USH2A: variants seen among roughly 807,000 people sequenced by gnomAD.
USH2A encodes Usher syndrome 2A (autosomal recessive, mild).
USH2A carries 443 observed loss-of-function variants against 538.9 expected under a neutral mutation model. The ratio of observed to expected loss-of-function variants is 0.82; its 90% CI spans 0.76 to 0.89. USH2A has a LOEUF of 0.89. Ranked by LOEUF, USH2A falls within the 40% of genes least tolerant of loss-of-function variation. The probability of loss-of-function intolerance (pLI) is 0.00; values close to 1 mark genes in which losing one functional copy is unlikely to be tolerated. For missense variants in USH2A, 6,633 were observed against 6,324.8 expected, an observed-to-expected ratio of 1.05 and a Z score of -1.65; for synonymous variants, 2,413 against 2,273.5, an observed-to-expected ratio of 1.06 and a Z score of -1.75.
At chr1:216,145,999 T>C (rs1383647818) in intron 21 of USH2A, among the ~76,000 whole-genome samples, 3 of 152,210 alleles carry the variant, frequency 2.0e-5, no homozygotes, top group South Asian at 2.1e-4. Context: ...AATAAACAGC[T>C]TTATTGCTCA....
intron 71 of USH2A, among the ~76,000 whole-genome samples, chr1:215,628,102 G>A (rs770699011): frequency 1.3e-5 from 2 of 152,064 alleles, no homozygotes; most frequent in East Asian, 1.9e-4. Flanking sequence ...AAGCAACCAT[G>A]TTCACCTGTT....
chr1:215,921,689 T>C (rs1666102770), intron 38 of USH2A, among the ~76,000 whole-genome samples: 1 of 152,038 alleles, frequency 6.6e-6, no homozygotes, highest in African/African-American at 2.4e-5. Flanking sequence ...GAACTAGGCT[T>C]CTATAGTCAG....
At chr1:216,231,877 A>G (rs2035702852) in intron 14 of USH2A, 76 bp downstream of exon 14, 3 of 1,572,760 alleles carry the variant, frequency 1.9e-6, no homozygotes, top group African/African-American at 2.7e-5. Context: ...TACAGAAGTT[A>G]TTGCTTTGCA....
At chr1:216,010,358 C>T (rs1485429398) in intron 32 of USH2A, among the ~76,000 whole-genome samples, 2 of 152,108 alleles carry the variant, frequency 1.3e-5, no homozygotes, top group East Asian at 3.9e-4. Flanking sequence ...CCATCTGTGC[C>T]GGACCCCACT....
chr1:216,202,507 C>T (rs116433384), intron 16 of USH2A, among the ~76,000 whole-genome samples: 2,057 of 152,284 alleles, frequency 0.014, 25 homozygotes, highest in Non-Finnish European at 0.019. Context: ...GAGTGCTTAT[C>T]TCAAGGTAGT....
chr1:215,671,969 G>A (rs919392871), intron 63 of USH2A, among the ~76,000 whole-genome samples: 2 of 152,100 alleles, frequency 1.3e-5, no homozygotes, highest in Non-Finnish European at 2.9e-5. Context: ...CAAAGACCTT[G>A]CGGGGCCAAA....
chr1:215,871,672 G>A (rs1263684681), intron 43 of USH2A, among the ~76,000 whole-genome samples: 1 of 152,092 alleles, frequency 6.6e-6, no homozygotes, highest in Non-Finnish European at 1.5e-5. Flanking sequence ...CTGTCCACCT[G>A]GAGCCATAAT....
intron 20 of USH2A, among the ~76,000 whole-genome samples, chr1:216,177,460 A>G (rs912299029): frequency 3.3e-5 from 5 of 152,204 alleles, no homozygotes; most frequent in African/African-American, 1.2e-4. Context: ...TGTTAAACAG[A>G]GCATCAGCAC....
Position 215,915,927 on chromosome 1 carries a change from T to C in USH2A, c.7301-15022A>G, listed in dbSNP as rs535098913. Among the ~76,000 whole-genome samples, 3 of 151,702 alleles carry C rather than the reference T, an allele frequency of 2.0e-5. No individual in the cohort carries two copies. In the South Asian group the frequency reaches 6.3e-4, roughly 32 times the overall value. Reference sequence around the variant, plus strand: ...TTGGAAATCATCATTCTCAATAAACTATCACAACAACAAAAAACCAAACAC... The same window carrying C: ...TTGGAAATCATCATTCTCAATAAACCATCACAACAACAAAAAACCAAACAC... On this transcript the variant is annotated intron_variant, in intron 38 of 71. Transcript: ENST00000307340.
intron 14 of USH2A, among the ~76,000 whole-genome samples, chr1:216,231,260 A>G (rs12138828): frequency 0.086 from 7,755 of 89,790 alleles, 1,184 homozygotes; most frequent in Non-Finnish European, 0.12. Flanking sequence ...TATATATATA[A>G]TATATATATA....
At chr1:215,969,034 A>C (rs1302277813) in intron 36 of USH2A, among the ~76,000 whole-genome samples, 1 of 152,190 alleles carries the variant, frequency 6.6e-6, no homozygotes, top group East Asian at 1.9e-4. Flanking sequence ...AGGGCTATTT[A>C]GAATACTCAG....
rs910086490 is a variant in USH2A at position 215,782,125 on chromosome 1, C to G, written c.10657G>C (p.Asp3553His). Residue 3553 changes from aspartate (D) to histidine (H), a missense_variant, in exon 54 of 72, where the codon GAT becomes CAT. By Grantham distance (81) the Asp-to-His change is moderately conservative. Coordinates refer to ENST00000307340, the MANE Select transcript of USH2A (RefSeq NM_206933.4). ...TGAAATGGTTGAATTCCCTCTTTATCAGAGAAGCTCAGTGATGTTCCCCGA... is the reference window on the plus strand; with the variant it reads ...TGAAATGGTTGAATTCCCTCTTTATGAGAGAAGCTCAGTGATGTTCCCCGA... ...RFRGTSLSFS[D>H]KEGIQPFQEY... 2 of 1,613,840 alleles carry G rather than the reference C, an allele frequency of 1.2e-6. No individual in the cohort carries two copies.
At chr1:215,932,275 G>A (rs190788926) in intron 38 of USH2A, among the ~76,000 whole-genome samples, 117 of 152,022 alleles carry the variant, frequency 7.7e-4, no homozygotes, top group East Asian at 1.4e-3. Flanking sequence ...GTTTGCCTCC[G>A]TATATTGGTC....
At chr1:215,825,122 A>T (rs1381551942) in intron 47 of USH2A, among the ~76,000 whole-genome samples, 1 of 152,032 alleles carries the variant, frequency 6.6e-6, no homozygotes, top group Non-Finnish European at 1.5e-5. Context: ...AGTTGTAGTT[A>T]TTTCTTTTTA....
intron 4 of USH2A, among the ~76,000 whole-genome samples, chr1:216,341,361 G>GA (rs2038073775): frequency 6.6e-6 from 1 of 151,984 alleles, no homozygotes; most frequent in South Asian, 2.1e-4. Flanking sequence ...TAAACAAATG[G>GA]AAAAACATTC....
At chr1:215,841,277 C>T (rs1428872060) in intron 46 of USH2A, among the ~76,000 whole-genome samples, 1 of 152,128 alleles carries the variant, frequency 6.6e-6, no homozygotes, top group Non-Finnish European at 1.5e-5. Context: ...AGGCATCACA[C>T]TACCTGACTT....
chr1:216,018,015 C>T (rs1172220387), intron 32 of USH2A, among the ~76,000 whole-genome samples: 2 of 151,724 alleles, frequency 1.3e-5, no homozygotes, highest in South Asian at 2.1e-4. Flanking sequence ...AAATGCCACA[C>T]CCTATAAGAA....
At chr1:215,928,340 T>A (rs1558166102) in intron 38 of USH2A, among the ~76,000 whole-genome samples, 1 of 152,108 alleles carries the variant, frequency 6.6e-6, no homozygotes, top group East Asian at 1.9e-4. Flanking sequence ...AAGGAAAGAT[T>A]TTTTTTTATA....
chr1:215,897,426 C>T (rs1275290748), intron 40 of USH2A, among the ~76,000 whole-genome samples: 1 of 152,076 alleles, frequency 6.6e-6, no homozygotes, highest in Non-Finnish European at 1.5e-5. Context: ...GTGGCTCACA[C>T]CAGTAATCCC....
Sources: gnomAD v4.1 joint callset for allele counts (sites outside exome capture counted in the v4.1 genomes callset) on GRCh38, gnomAD v4.1.1 for gene constraint, MANE v1.5 for transcripts, NCBI Gene and HGNC (gene_info 2026-07-23, HGNC 2026-07-21) for gene names.